IGF1R: variants seen among roughly 807,000 people sequenced by gnomAD.
IGF1R encodes the protein insulin-like growth factor 1 receptor.
In IGF1R, 44 loss-of-function variants were observed where a neutral mutation model predicts 144.6. The ratio of observed to expected loss-of-function variants is 0.30; its 90% CI spans 0.24 to 0.39. The LOEUF (loss-of-function observed/expected upper bound fraction) is 0.39. Among genes scored for constraint, IGF1R ranks in the 10% least tolerant of loss-of-function variants. The probability of loss-of-function intolerance (pLI) is 1.00; values close to 1 mark genes in which losing one functional copy is unlikely to be tolerated. For synonymous variants in IGF1R, 795 were observed against 722.8 expected, an observed-to-expected ratio of 1.10 and a Z score of -1.60; for missense variants, 1,355 against 1,833.7, an observed-to-expected ratio of 0.74 and a Z score of 4.77.
Position 98,952,114 on chromosome 15 carries a change from A to G in IGF1R, c.3722+3406A>G, listed in dbSNP as rs574882550. On this transcript the variant is annotated intron_variant, in intron 20 of 20. Coordinates refer to ENST00000650285, the MANE Select transcript of IGF1R (RefSeq NM_000875.5). ...AGTTTGCCTGCTGTGCCCTAGAGTA[A>G]AAGATCCAGGACCTGAGCAGAAGGC... Among the ~76,000 whole-genome samples the G allele has an allele frequency of 2.0e-5, 3 of 152,248 alleles. No individual in the cohort carries two copies. The South Asian group carries it at 6.2e-4, about 32-fold the overall frequency.
At chr15:98,821,323 C>G (rs1024664912) in intron 2 of IGF1R, among the ~76,000 whole-genome samples, 6 of 150,896 alleles carry the variant, frequency 4.0e-5, no homozygotes, top group African/African-American at 1.2e-4. Flanking sequence ...ATCACTCTCT[C>G]TAGCCCTGCC....
Position 98,734,236 on chromosome 15 carries a change from T to C in IGF1R, c.640+26129T>C, listed in dbSNP as rs2054561285. Among the ~76,000 whole-genome samples the C allele has an allele frequency of 2.0e-5, 3 of 152,344 alleles. No homozygotes were observed. In the South Asian group the frequency reaches 6.2e-4, roughly 32 times the overall value. On this transcript the variant is annotated intron_variant, in intron 2 of 20. Coordinates refer to ENST00000650285, the MANE Select transcript of IGF1R (RefSeq NM_000875.5). ...GGGCATAATACCAGGTATTCTCGTT[T>C]AGGCATTCTGCTCAGTAGTATTAAC...
chr15:98,695,935 G>C (rs2053585231), intron 1 of IGF1R, among the ~76,000 whole-genome samples: 1 of 151,228 alleles, frequency 6.6e-6, no homozygotes, highest in Non-Finnish European at 1.5e-5. Flanking sequence ...CTCTTAATGT[G>C]TGGAGGCAGA....
intron 2 of IGF1R, among the ~76,000 whole-genome samples, chr15:98,852,555 A>G (rs935131716): frequency 1.3e-5 from 2 of 152,134 alleles, no homozygotes; most frequent in African/African-American, 4.8e-5. Context: ...GGAGGCGATC[A>G]CCAGAGCAGA....
chr15:98,865,481 A>T (rs2141592471), intron 2 of IGF1R, among the ~76,000 whole-genome samples: 1 of 152,156 alleles, frequency 6.6e-6, no homozygotes, highest in Middle Eastern at 3.4e-3. Flanking sequence ...CGGCCACGTG[A>T]CTGCGCCCCG....
intron 2 of IGF1R, among the ~76,000 whole-genome samples, chr15:98,745,295 A>T (rs1455563568): frequency 6.6e-6 from 1 of 152,234 alleles, no homozygotes; most frequent in African/African-American, 2.4e-5. Context: ...GACACCAGTT[A>T]TTCTTTCCTG....
At chr15:98,845,546 C>T in intron 2 of IGF1R, among the ~76,000 whole-genome samples, 1 of 144,556 alleles carries the variant, frequency 6.9e-6, no homozygotes, top group African/African-American at 2.6e-5. Flanking sequence ...CTCCTCCTCC[C>T]CCTCCTCTCT....
chr15:98,916,561 C>T (rs2015259939), intron 9 of IGF1R, 111 bp from the exon 10 acceptor site: 5 of 1,009,114 alleles, frequency 5.0e-6, no homozygotes, highest in Admixed American at 1.9e-5. Flanking sequence ...CACATCTGGC[C>T]GAGACCAGCT....
intron 1 of IGF1R, among the ~76,000 whole-genome samples, chr15:98,681,212 C>G (rs947470878): frequency 6.6e-6 from 1 of 152,170 alleles, no homozygotes; most frequent in African/African-American, 2.4e-5. Context: ...TGTGTCTTTA[C>G]AAGTCTGCTT....
At chr15:98,895,249 CACACACACACACACACACAG>C (rs1254904952) in intron 3 of IGF1R, among the ~76,000 whole-genome samples, 1,084 of 97,342 alleles carry the variant, frequency 0.011, 6 homozygotes, top group Non-Finnish European at 0.02. Context: ...CACACACACA[CACACACACACACACACACAG>C]AGTTAATTTC....
rs531629299 is a variant in IGF1R at position 98,664,996 on chromosome 15, C to T, written c.94+15321C>T. On this transcript the variant is annotated intron_variant, in intron 1 of 20. Coordinates refer to ENST00000650285, the MANE Select transcript of IGF1R (RefSeq NM_000875.5). ...TTTTTTGGATGGAATCTCGCTCTGTCGTCCAGGCTGGAGTGTGGTGGCGCA... is the reference window on the plus strand; with the variant it reads ...TTTTTTGGATGGAATCTCGCTCTGTTGTCCAGGCTGGAGTGTGGTGGCGCA... 5.8e-3 allele frequency among the ~76,000 whole-genome samples: 799 copies of T among 138,690 alleles called. 4 individuals are homozygous for T. Among genetic ancestry groups the T allele is most frequent in the Admixed American group, 0.01 (135 of 13,082 alleles). 91.0% of individuals were successfully genotyped at this position (138,690 alleles called of 152,430 possible). A position where few individuals can be genotyped will look rare whatever the true frequency, so the allele number is the denominator to read the frequency against.
Position 98,685,031 on chromosome 15 carries a change from G to A in IGF1R, c.95-22531G>A, listed in dbSNP as rs112612903. On this transcript the variant is annotated intron_variant, in intron 1 of 20. Transcript: ENST00000650285. Reference sequence around the variant, plus strand: ...GGTCATGGCTTACTGCAGCCTCAACGTCCCAGGCTCAAGGGATCCTCCTGC... The same window carrying A: ...GGTCATGGCTTACTGCAGCCTCAACATCCCAGGCTCAAGGGATCCTCCTGC... Among the ~76,000 whole-genome samples the A allele has an allele frequency of 6.3e-3, 921 of 145,878 alleles. 13 individuals carry two copies. The highest frequency in any genetic ancestry group is 0.022 in the African/African-American group (876 of 39,122).
chr15:98,860,835 G>A (rs2012109327), intron 2 of IGF1R, among the ~76,000 whole-genome samples: 1 of 152,148 alleles, frequency 6.6e-6, no homozygotes, highest in Non-Finnish European at 1.5e-5. Context: ...TGCTGTGAGT[G>A]CTTTGAAAAC....
rs746408628 is a variant in IGF1R, at chr15:98,958,639, G to A, written c.*1197G>A. On this transcript the variant is annotated 3_prime_UTR_variant, in exon 21 of 21. Transcript: ENST00000650285. ...ACCATGAAACATTTGCATACACATCGTCTTTAATGTCACTTTTATAACTTT... is the reference window on the plus strand; with the variant it reads ...ACCATGAAACATTTGCATACACATCATCTTTAATGTCACTTTTATAACTTT... The A allele has an allele frequency of 1.3e-5, 3 of 231,530 alleles. No individual in the cohort carries two copies. Among genetic ancestry groups the A allele is most frequent in the East Asian group, 6.1e-5 (1 of 16,392 alleles). The allele number at this position is 231,530 out of a possible 1,614,324, so 14.3% of individuals were successfully genotyped here.
At chr15:98,759,124 A>G (rs990157023) in intron 2 of IGF1R, among the ~76,000 whole-genome samples, 2 of 152,208 alleles carry the variant, frequency 1.3e-5, no homozygotes, top group African/African-American at 2.4e-5. Context: ...TGTTAATGAC[A>G]TCAATTGTAT....
chr15:98,744,873 G>A (rs2054828183), intron 2 of IGF1R, among the ~76,000 whole-genome samples: 2 of 151,980 alleles, frequency 1.3e-5, no homozygotes, highest in Non-Finnish European at 2.9e-5. Context: ...TGATGGATGA[G>A]GACCCTAAGC....
In IGF1R at chr15:98,840,928, G is replaced by A. The variant is rs568178596; in HGVS notation, c.641-50397G>A. On this transcript the variant is annotated intron_variant, in intron 2 of 20. Coordinates refer to ENST00000650285, the MANE Select transcript of IGF1R (RefSeq NM_000875.5). ...ACTCCTGACCTCAGGTGATCCGCCC[G>A]CCTCGGCCTCCCAAAGTGCTGGGAT... Among the ~76,000 whole-genome samples the A allele has an allele frequency of 1.6e-3, 245 of 152,222 alleles. 1 individual carries two copies. Among genetic ancestry groups the A allele is most frequent in the African/African-American group, 5.5e-3 (229 of 41,552 alleles).
rs35707888 is a variant in IGF1R, at chr15:98,884,683, CAAAAAAAAA to C, written c.641-6629_641-6621del. On this transcript the variant is annotated intron_variant, in intron 2 of 20. Coordinates refer to ENST00000650285, the MANE Select transcript of IGF1R (RefSeq NM_000875.5). ...CTGGTGACAGAGTGACACTCCGTCT[CAAAAAAAAA>C]AAAAAAAAAAAAGAAATTCTGTACC... Among the ~76,000 whole-genome samples, 153 of 80,254 alleles carry C rather than the reference CAAAAAAAAA, an allele frequency of 1.9e-3. 5 individuals carry two copies. In the South Asian group the frequency reaches 0.07, roughly 37 times the overall value. 52.6% of individuals were successfully genotyped at this position (80,254 alleles called of 152,430 possible).
chr15:98,934,304 C>T (rs1384545819), intron 15 of IGF1R, among the ~76,000 whole-genome samples: 2 of 152,194 alleles, frequency 1.3e-5, no homozygotes, highest in East Asian at 3.9e-4. Flanking sequence ...TTACGTGCAC[C>T]ATCATCACCT....
Sources: gnomAD v4.1 joint callset for allele counts (sites outside exome capture counted in the v4.1 genomes callset) on GRCh38, gnomAD v4.1.1 for gene constraint, MANE v1.5 for transcripts, NCBI Gene and HGNC (gene_info 2026-07-23, HGNC 2026-07-21) for gene names.